RFWD3: variants seen among roughly 807,000 people sequenced by gnomAD.
The protein encoded by RFWD3 is ring finger and WD repeat domain 3.
In RFWD3, 65 loss-of-function variants were observed where a neutral mutation model predicts 87.7. That is an observed-to-expected ratio of 0.74 (90% CI 0.61 to 0.91). The LOEUF (loss-of-function observed/expected upper bound fraction) is 0.91, where lower values mean the gene tolerates loss of function less well. Ranked by LOEUF, RFWD3 falls within the 40% of genes least tolerant of loss-of-function variation. The pLI, the probability that RFWD3 is intolerant of heterozygous loss-of-function variation, is 0.00. For missense variants in RFWD3, 1,078 were observed against 938.5 expected (o/e 1.15, Z -1.94); for synonymous variants, 433 against 352.8 (o/e 1.23, Z -2.55).
intron 2 of RFWD3, among the ~76,000 whole-genome samples, chr16:74,657,428 T>C (rs1961074945): frequency 6.6e-6 from 1 of 152,112 alleles, no homozygotes. Flanking sequence ...GATAATTCTC[T>C]GTGGTCCTTA....
chr16:74,658,266 C>T (rs1961156089), intron 2 of RFWD3, among the ~76,000 whole-genome samples: 1 of 152,202 alleles, frequency 6.6e-6, no homozygotes. Flanking sequence ...TTTAGTCTCT[C>T]ACACAGAGGA....
chr16:74,639,813 G>T (rs1352357587), intron 6 of RFWD3, among the ~76,000 whole-genome samples: 1 of 152,144 alleles, frequency 6.6e-6, no homozygotes, highest in Non-Finnish European at 1.5e-5. Context: ...CAAAAAGACT[G>T]TGGAACAAAA....
At chr16:74,658,315 T>C (rs1167695898) in intron 2 of RFWD3, among the ~76,000 whole-genome samples, 2 of 152,216 alleles carry the variant, frequency 1.3e-5, no homozygotes, top group Non-Finnish European at 1.5e-5. Flanking sequence ...TGACCCCCAC[T>C]GCCAGAATGA....
rs192767426 is a variant in RFWD3 at position 74,641,325 on chromosome 16, G to A, written c.1079+3037C>T. Among the ~76,000 whole-genome samples the A allele has an allele frequency of 3.3e-5, 5 of 152,068 alleles. No homozygotes were observed. The East Asian group carries it at 9.7e-4, about 30-fold the overall frequency. ...CTACAGGTGCGTGCCACCATGCCCG[G>A]CTAATTTTTGTATTTTTAGTAGAAA... On this transcript the variant is annotated intron_variant, in intron 6 of 12. Coordinates refer to ENST00000361070, the MANE Select transcript of RFWD3 (RefSeq NM_018124.4).
chr16:74,638,138 G>A (rs894397541), intron 6 of RFWD3, among the ~76,000 whole-genome samples, 168 bp from the exon 7 acceptor site: 1 of 152,166 alleles, frequency 6.6e-6, no homozygotes, highest in African/African-American at 2.4e-5. Context: ...ACAGGTTTTA[G>A]GGTAAGCAGG....
intron 8 of RFWD3, among the ~76,000 whole-genome samples, chr16:74,635,923 T>C (rs1275800441): frequency 6.6e-6 from 1 of 152,252 alleles, no homozygotes; most frequent in African/African-American, 2.4e-5. Flanking sequence ...ATTTACTCCC[T>C]AAATTCTCTT....
Position 74,622,619 on chromosome 16 carries a change from GT to G in RFWD3, c.*1308del, listed in dbSNP as rs1183701891. The stretch of plus-strand genomic sequence containing the variant: ...GCTCTTGAATTGACAGGTCAGAAGT[GT>G]TTTATAATAAAAACGATAACAACTC... On this transcript the variant is annotated 3_prime_UTR_variant, in exon 13 of 13. Transcript: ENST00000361070. The G allele has an allele frequency of 3.3e-5, 5 of 152,174 alleles. No individual in the cohort carries two copies. 9.4% of individuals were successfully genotyped at this position (152,174 alleles called of 1,614,324 possible). A position where few individuals can be genotyped will look rare whatever the true frequency, so the allele number is the denominator to read the frequency against.
rs1053836823 is a variant in RFWD3, at chr16:74,623,571, C to T, written c.*357G>A. On this transcript the variant is annotated 3_prime_UTR_variant, in exon 13 of 13. Transcript: ENST00000361070. ...GGGATGTCATATTCCCCAGAAAATG[C>T]TTGATGCCCACTCACATCCTAGATG... is the stretch of plus-strand genomic sequence containing the variant. The T allele has an allele frequency of 3.8e-5, 7 of 186,616 alleles. No homozygotes were observed. The highest frequency in any genetic ancestry group is 3.3e-5 in the Non-Finnish European group (3 of 90,800). The allele number at this position is 186,616 out of a possible 1,614,324, so 11.6% of individuals were successfully genotyped here.
rs369203376 is a variant in RFWD3, at chr16:74,644,498, G to A, written c.987+43C>T. On this transcript the variant is annotated intron_variant, in intron 5 of 12. Coordinates refer to ENST00000361070, the MANE Select transcript of RFWD3 (RefSeq NM_018124.4). ...ATAATTAGAGTGGTTCTAGGAATCT[G>A]CCTGACTTAACATGTTAATGTGTCC... is the stretch of plus-strand genomic sequence containing the variant. 2.5e-5 allele frequency: 41 copies of A among 1,613,980 alleles called. No individual in the cohort carries two copies. In the African/African-American group the frequency reaches 5.1e-4, roughly 20 times the overall value.
Position 74,661,263 on chromosome 16 carries a change from T to G in RFWD3, c.187A>C (p.Ser63Arg). 6.2e-7 allele frequency: 1 copy of G among 1,614,160 alleles called. No homozygotes were observed. Among genetic ancestry groups the G allele is most frequent in the Non-Finnish European group, 8.5e-7 (1 of 1,180,030 alleles). Residue 63 changes from serine to arginine, a missense_variant, in exon 2 of 13, where the codon AGC becomes CGC. Transcript: ENST00000361070. The part of the protein sequence containing the change: ...LQPAPAEVIS[S>R]QATPPLLQPA... ...TGGAGCAGGGGTGGTGTCGCTTGGC[T>G]GCTGATCACCTCAGCAGGAGCTGGC...
At chr16:74,648,869 T>C (rs1429880285) in intron 4 of RFWD3, among the ~76,000 whole-genome samples, 2 of 152,122 alleles carry the variant, frequency 1.3e-5, no homozygotes, top group Non-Finnish European at 2.9e-5. Flanking sequence ...GACGATACCT[T>C]GAGCCCAGGA....
In RFWD3 at chr16:74,662,148, AAT is replaced by A. The variant is rs869285309; in HGVS notation, c.-2-699_-2-698del. Among the ~76,000 whole-genome samples, 8 of 135,244 alleles carry A rather than the reference AAT, an allele frequency of 5.9e-5. No individual in the cohort carries two copies. In the East Asian group the frequency reaches 1.9e-3, roughly 32 times the overall value. The allele number at this position is 135,244 out of a possible 152,430, so 88.7% of individuals were successfully genotyped here. A position where few individuals can be genotyped will look rare whatever the true frequency, so the allele number is the denominator to read the frequency against. On this transcript the variant is annotated intron_variant, in intron 1 of 12. Transcript: ENST00000361070. ...ACCTAGTTTTTAAACTAAAAAAAAA[AAT>A]TTTTTTTTGTTATATAGATGAAGGC...
chr16:74,652,362 G>C (rs946814753), intron 2 of RFWD3, among the ~76,000 whole-genome samples: 5 of 152,034 alleles, frequency 3.3e-5, no homozygotes, highest in South Asian at 2.1e-4. Context: ...TCCGTTAAAA[G>C]CTAATTCTAT....
In RFWD3 at chr16:74,622,297, C is replaced by T. The variant is rs1329417589; in HGVS notation, c.*1631G>A. 1 of 152,148 alleles carries T rather than the reference C, an allele frequency of 6.6e-6. No individual in the cohort carries two copies. The highest frequency in any genetic ancestry group is 1.5e-5 in the Non-Finnish European group (1 of 68,040). 9.4% of individuals were successfully genotyped at this position (152,148 alleles called of 1,614,324 possible). A position where few individuals can be genotyped will look rare whatever the true frequency, so the allele number is the denominator to read the frequency against. ...TATCTCCTCTGAGAAAAGAGCTTTT[C>T]TCAGGTTCTAGAAGCTAGCTTTTAC... On this transcript the variant is annotated 3_prime_UTR_variant, in exon 13 of 13. Transcript: ENST00000361070.
intron 11 of RFWD3, among the ~76,000 whole-genome samples, chr16:74,627,498 G>C (rs1220925629): frequency 1.3e-5 from 2 of 152,066 alleles, no homozygotes; most frequent in Non-Finnish European, 2.9e-5. Flanking sequence ...TTCTCTGTGG[G>C]ATCTGTCAAG....
In RFWD3 at chr16:74,638,245, G is replaced by A. The variant is rs575699023; in HGVS notation, c.1080-275C>T. Among the ~76,000 whole-genome samples the A allele has an allele frequency of 1.4e-4, 22 of 152,198 alleles. No homozygotes were observed. In the South Asian group the frequency reaches 4.4e-3, roughly 30 times the overall value. Reference sequence around the variant, plus strand: ...AGAGCTAATCTAGTGTTCAGCTACGGCAAATTGTAAAAGATTAAACTGACA... The same window carrying A: ...AGAGCTAATCTAGTGTTCAGCTACGACAAATTGTAAAAGATTAAACTGACA... On this transcript the variant is annotated intron_variant, in intron 6 of 12. Transcript: ENST00000361070.
At chr16:74,647,020 G>A (rs988834490) in intron 4 of RFWD3, among the ~76,000 whole-genome samples, 1 of 151,812 alleles carries the variant, frequency 6.6e-6, no homozygotes, top group South Asian at 2.1e-4. Context: ...CTGGGAGGCG[G>A]AGCCTGCAGT....
intron 10 of RFWD3, among the ~76,000 whole-genome samples, 190 bp downstream of exon 10, chr16:74,630,591 T>C (rs113341244): frequency 3.3e-5 from 5 of 152,366 alleles, no homozygotes; most frequent in African/African-American, 1.2e-4. Flanking sequence ...CTCTCCATCA[T>C]ATGAAATAGC....
At chr16:74,642,937 C>A (rs1025779408) in intron 6 of RFWD3, among the ~76,000 whole-genome samples, 1 of 152,132 alleles carries the variant, frequency 6.6e-6, no homozygotes, top group African/African-American at 2.4e-5. Flanking sequence ...TATACTAATT[C>A]CTTATTGTAA....
Sources: allele counts gnomAD v4.1 joint callset (sites outside exome capture counted in the v4.1 genomes callset), GRCh38; gene constraint gnomAD v4.1.1; transcripts MANE v1.5; gene names NCBI Gene and HGNC (gene_info 2026-07-23, HGNC 2026-07-21).